SV2B: variants seen among roughly 807,000 people sequenced by gnomAD.
SV2B encodes solute carrier family 22 member B2.
SV2B carries 41 observed loss-of-function variants against 73.9 expected under a neutral mutation model. The observed-to-expected ratio is 0.56, with a 90% confidence interval of 0.43 to 0.72. The LOEUF (loss-of-function observed/expected upper bound fraction) is 0.72. Among genes scored for constraint, SV2B ranks in the 30% least tolerant of loss-of-function variants. The pLI is 0.00. For synonymous variants in SV2B, 314 were observed against 314.2 expected, an observed-to-expected ratio of 1.00 and a Z score of 0.01; for missense variants, 764 against 857.8, an observed-to-expected ratio of 0.89 and a Z score of 1.37.
rs777751914 is a variant in SV2B, at chr15:91,106,882, C to T, written c.-392+6519C>T. Reference sequence around the variant, plus strand: ...TCTACAGTAGCTTGCATAATGTGTTCCTGTTTATAAAAGGAAGAAATAGGG... The same window carrying T: ...TCTACAGTAGCTTGCATAATGTGTTTCTGTTTATAAAAGGAAGAAATAGGG... On this transcript the variant is annotated intron_variant, in intron 1 of 12. Coordinates refer to ENST00000394232, the MANE Select transcript of SV2B (RefSeq NM_001323032.3). The surrounding 1 kb of genome is among the most constrained non-coding windows in gnomAD (Gnocchi z 4.4). Among the ~76,000 whole-genome samples the T allele has an allele frequency of 2.0e-5, 3 of 152,078 alleles. No homozygotes were observed. The highest frequency in any genetic ancestry group is 4.4e-5 in the Non-Finnish European group (3 of 68,012).
intron 1 of SV2B, among the ~76,000 whole-genome samples, chr15:91,113,259 T>A (rs1447288899): frequency 6.6e-6 from 1 of 152,252 alleles, no homozygotes; most frequent in African/African-American, 2.4e-5. Context: ...CGTGGCCACG[T>A]AACAGTTTTG....
intron 1 of SV2B, among the ~76,000 whole-genome samples, chr15:91,171,008 T>C (rs1371763912): frequency 6.6e-6 from 1 of 152,230 alleles, no homozygotes; most frequent in Non-Finnish European, 1.5e-5. Flanking sequence ...TCGCAGCAGC[T>C]CTGTCCATTT....
At chr15:91,116,557 C>T (rs929734979) in intron 1 of SV2B, among the ~76,000 whole-genome samples, 2 of 152,070 alleles carry the variant, frequency 1.3e-5, no homozygotes, top group African/African-American at 2.4e-5. Context: ...TAGAATTTCC[C>T]GTGGGACTTT....
intron 9 of SV2B, among the ~76,000 whole-genome samples, chr15:91,276,818 T>TTATTATTATTATTA (rs1221796334): frequency 3.3e-5 from 5 of 149,578 alleles, no homozygotes; most frequent in African/African-American, 1.2e-4. Flanking sequence ...ATTATTATTA[T>TTATTATTATTATTA]TATTATTATT....
rs2042940848 is a variant in SV2B at position 91,139,525 on chromosome 15, A to T, written c.-392+39162A>T. Among the ~76,000 whole-genome samples, 1 of 152,120 alleles carries T rather than the reference A, an allele frequency of 6.6e-6. No homozygotes were observed. Among genetic ancestry groups the T allele is most frequent in the African/African-American group, 2.4e-5 (1 of 41,412 alleles). ...ACAGAAAAGCAGGGTGAGGGCAAAC[A>T]CCGCTATCAATGCTGTAGTAAGGAG... On this transcript the variant is annotated intron_variant, in intron 1 of 12. Transcript: ENST00000394232. This position sits in a 1 kb window ranked among gnomAD's most constrained non-coding sequence, Gnocchi z 5.2.
intron 9 of SV2B, among the ~76,000 whole-genome samples, chr15:91,273,156 GCAGTGGGACTAAATTT>G (rs1304598496): frequency 1.3e-5 from 2 of 152,056 alleles, no homozygotes; most frequent in African/African-American, 4.8e-5. Flanking sequence ...TTCTTCAACT[GCAGTGGGACTAAATTT>G]CAGTAGAGTA....
chr15:91,254,532 C>T (rs533612825), intron 4 of SV2B, among the ~76,000 whole-genome samples: 18 of 152,214 alleles, frequency 1.2e-4, no homozygotes, highest in Non-Finnish European at 2.4e-4. Flanking sequence ...CCACAGTGCC[C>T]GGCTTATTTT....
At chr15:91,251,566 T>C (rs1198942909) in intron 2 of SV2B, among the ~76,000 whole-genome samples, 1 of 152,236 alleles carries the variant, frequency 6.6e-6, no homozygotes, top group African/African-American at 2.4e-5. Context: ...ATGACTGGTC[T>C]TACAGCCATC....
At chr15:91,213,088 G>A (rs948459422) in intron 1 of SV2B, among the ~76,000 whole-genome samples, 2 of 152,158 alleles carry the variant, frequency 1.3e-5, no homozygotes, top group African/African-American at 4.8e-5. Flanking sequence ...GGGAGGTGGA[G>A]GTTGCAGTGA....
At chr15:91,207,800 G>T (rs1027728429) in intron 1 of SV2B, among the ~76,000 whole-genome samples, 17 of 152,164 alleles carry the variant, frequency 1.1e-4, no homozygotes, top group African/African-American at 4.1e-4. Context: ...TGCTCTATTG[G>T]TAATAAACTG....
chr15:91,134,023 G>A (rs141662108), intron 1 of SV2B, among the ~76,000 whole-genome samples: 8,036 of 27,202 alleles, frequency 0.3, 413 homozygotes, highest in Middle Eastern at 0.4. Context: ...TTTTGAGATG[G>A]AGTCTTGCTC....
In SV2B at chr15:91,118,438, C is replaced by T. The variant is rs1309218521; in HGVS notation, c.-392+18075C>T. Among the ~76,000 whole-genome samples, 1 of 152,184 alleles carries T rather than the reference C, an allele frequency of 6.6e-6. No individual in the cohort carries two copies. Among genetic ancestry groups the T allele is most frequent in the Non-Finnish European group, 1.5e-5 (1 of 68,032 alleles). ...GTACAGTGCTAAGGGAAGAAAAGAACATTTTTTCCTTTGCATTCATTGAGG... is the reference window on the plus strand; with the variant it reads ...GTACAGTGCTAAGGGAAGAAAAGAATATTTTTTCCTTTGCATTCATTGAGG... On this transcript the variant is annotated intron_variant, in intron 1 of 12. Transcript: ENST00000394232. The surrounding 1 kb of genome is among the most constrained non-coding windows in gnomAD (Gnocchi z 4.7).
At position 91,136,984 on chromosome 15, in the gene SV2B, C is replaced by T. The variant is rs962475954; in HGVS notation, c.-392+36621C>T. On this transcript the variant is annotated intron_variant, in intron 1 of 12. Coordinates refer to ENST00000394232, the MANE Select transcript of SV2B (RefSeq NM_001323032.3). The surrounding 1 kb of genome is among the most constrained non-coding windows in gnomAD (Gnocchi z 5.6). ...TGCTCCTGAATGAAAATTTGATCCA[C>T]GCAGAAGACAACCTGCAGGCAAAGC... is the stretch of plus-strand genomic sequence containing the variant. Among the ~76,000 whole-genome samples, 11 of 152,204 alleles carry T rather than the reference C, an allele frequency of 7.2e-5. No individual in the cohort carries two copies. The highest frequency in any genetic ancestry group is 1.0e-4 in the Non-Finnish European group (7 of 68,014).
intron 1 of SV2B, among the ~76,000 whole-genome samples, chr15:91,219,390 G>T (rs763595733): frequency 6.6e-6 from 1 of 152,096 alleles, no homozygotes; most frequent in African/African-American, 2.4e-5. Flanking sequence ...GGAAGCTCTT[G>T]GTCCCTCATG....
intron 2 of SV2B, among the ~76,000 whole-genome samples, chr15:91,247,843 G>A (rs1217400596): frequency 1.3e-5 from 2 of 152,156 alleles, no homozygotes; most frequent in Non-Finnish European, 2.9e-5. Context: ...GTAAGGTCTA[G>A]GAGGGTGGCT....
chr15:91,156,135 A>T (rs554446403), intron 1 of SV2B, among the ~76,000 whole-genome samples: 1 of 152,192 alleles, frequency 6.6e-6, no homozygotes, highest in African/African-American at 2.4e-5. Flanking sequence ...GGGCTTGGGG[A>T]TGAATGTCTC....
intron 1 of SV2B, among the ~76,000 whole-genome samples, chr15:91,112,343 C>T (rs2042060390): frequency 6.6e-6 from 1 of 152,192 alleles, no homozygotes; most frequent in African/African-American, 2.4e-5. Flanking sequence ...CTGTCCTGTG[C>T]TTCAGCCACG....
chr15:91,157,025 C>T lies in SV2B; in HGVS notation c.-392+56662C>T, dbSNP rs190245013. 3.9e-5 allele frequency among the ~76,000 whole-genome samples: 6 copies of T among 152,342 alleles called. No homozygotes were observed. The East Asian group carries it at 9.6e-4, about 24-fold the overall frequency. Reference sequence around the variant, plus strand: ...GCTCTCTATAGCTGCATTTGACTCCCAGCTGTAGACTAAGTCAGTCAGGGA... The same window carrying T: ...GCTCTCTATAGCTGCATTTGACTCCTAGCTGTAGACTAAGTCAGTCAGGGA... On this transcript the variant is annotated intron_variant, in intron 1 of 12. Transcript: ENST00000394232.
At chr15:91,235,112 A>G (rs1232009865) in intron 2 of SV2B, among the ~76,000 whole-genome samples, 1 of 152,206 alleles carries the variant, frequency 6.6e-6, no homozygotes, top group African/African-American at 2.4e-5. Context: ...TTGAGGAGAG[A>G]GACTGGAGGT....
Sources: allele counts gnomAD v4.1 joint callset (sites outside exome capture counted in the v4.1 genomes callset), GRCh38; gene constraint gnomAD v4.1.1; non-coding constraint Gnocchi (gnomAD v3.1); transcripts MANE v1.5; gene names NCBI Gene and HGNC (gene_info 2026-07-23, HGNC 2026-07-21).